The following ZNF19 variants were observed in gnomAD, a reference collection of about 807,000 sequenced individuals.
ZNF19 encodes the protein zinc finger protein 19, also known as zinc finger protein 19 (KOX 12).
In ZNF19, 11 loss-of-function variants were observed where a neutral mutation model predicts 13.1. The observed-to-expected ratio is 0.84, with a 90% CI of 0.53 to 1.39. The LOEUF (loss-of-function observed/expected upper bound fraction) is 1.39, where lower values mean the gene tolerates loss of function less well. Ranked by LOEUF, ZNF19 falls within the 40% of genes most tolerant of loss-of-function variation. The pLI is 0.00. For synonymous variants in ZNF19, 186 were observed against 187.0 expected, an observed-to-expected ratio of 0.99 and a Z score of 0.04; for missense variants, 560 against 547.0, an observed-to-expected ratio of 1.02 and a Z score of -0.24.
At chr16:71,481,948 C>T in intron 3 of ZNF19, 134 bp downstream of exon 3, 2 of 904,254 alleles carry the variant, frequency 2.2e-6, no homozygotes, top group Admixed American at 2.1e-5. Context: ...TCCCCAGCAC[C>T]CAGTCCTACT....
chr16:71,478,352 G>A lies in ZNF19; in HGVS notation c.161-11C>T. 1 of 1,591,322 alleles carries A rather than the reference G, an allele frequency of 6.3e-7. No individual in the cohort carries two copies. ...TGGGAACTGGGTACCCTGAAAACAG[G>A]AAGAAAATGGTACTTTTCAGCCCTG... On this transcript the variant is annotated splice_polypyrimidine_tract_variant and intron_variant, in intron 4 of 5. Transcript: ENST00000288177.
At chr16:71,478,403 A>C in intron 4 of ZNF19, 62 bp from the exon 5 acceptor site, 3 of 1,210,674 alleles carry the variant, frequency 2.5e-6, no homozygotes, top group Non-Finnish European at 3.6e-6. Flanking sequence ...AAGAAGGAAA[A>C]CCCCAGGAGT....
At chr16:71,489,245 C>T (rs1410083429) in intron 1 of ZNF19, 27 bp downstream of exon 1, 10 of 985,502 alleles carry the variant, frequency 1.0e-5, no homozygotes, top group African/African-American at 1.7e-5. Context: ...AAGCTCCGCC[C>T]AACTGTGGGT....
At chr16:71,476,818 T>G (rs1456361159) in intron 5 of ZNF19, among the ~76,000 whole-genome samples, 1 of 152,200 alleles carries the variant, frequency 6.6e-6, no homozygotes, top group Non-Finnish European at 1.5e-5. Flanking sequence ...TTAGAGAGTA[T>G]TATTCCCAAT....
At chr16:71,476,890 G>A (rs2043606018) in intron 5 of ZNF19, among the ~76,000 whole-genome samples, 1 of 152,148 alleles carries the variant, frequency 6.6e-6, no homozygotes, top group Non-Finnish European at 1.5e-5. Flanking sequence ...GACTATAGAC[G>A]ATGAGGAAAC....
chr16:71,475,520 T>C lies in ZNF19; in HGVS notation c.1027A>G (p.Lys343Glu), dbSNP rs1325737604. The change falls in exon 6 of 6, where the codon AAA becomes GAA. Residue 343 changes from lysine to glutamate, a missense_variant. Lys to Glu is a moderately conservative substitution (Grantham distance 56, BLOSUM62 1). Coordinates refer to ENST00000288177, the MANE Select transcript of ZNF19 (RefSeq NM_006961.4). ...TGAATTCTCTGGTGCCGAGTTAGTT[T>C]TGTATGAAAATTGAAGGCTTGTCCA... ...VCGQAFNFHT[K>E]LTRHQRIHSE... 4 of 1,613,406 alleles carry C rather than the reference T, an allele frequency of 2.5e-6. No individual in the cohort carries two copies. The Admixed American group carries it at 6.7e-5, about 27-fold the overall frequency.
intron 4 of ZNF19, 52 bp downstream of exon 4, chr16:71,478,827 G>A: frequency 4.4e-6 from 7 of 1,595,052 alleles, no homozygotes; most frequent in Non-Finnish European, 6.0e-6. Context: ...GTAAAAGAAG[G>A]AAGGAAACTG....
Position 71,475,749 on chromosome 16 carries a change from G to A in ZNF19, c.798C>T (p.Ile266=), listed in dbSNP as rs756500579. 3.1e-6 allele frequency: 5 copies of A among 1,612,982 alleles called. No individual in the cohort carries two copies. The East Asian group carries it at 1.1e-4, about 36-fold the overall frequency. Residue 266 remains isoleucine (I), a synonymous_variant, in exon 6 of 6, where the codon ATC becomes ATT. Coordinates refer to ENST00000288177, the MANE Select transcript of ZNF19 (RefSeq NM_006961.4). The part of the protein sequence containing the change: ...SSSEFVIHQR[I]HTGEKPYECN... ...ACTCATAGGGTTTCTCCCCAGTGTG[G>A]ATTCTCTGATGTATAACAAACTCGG...
At chr16:71,482,026 C>T (rs2043639907) in intron 3 of ZNF19, 56 bp downstream of exon 3, 6 of 1,595,270 alleles carry the variant, frequency 3.8e-6, no homozygotes, top group Non-Finnish European at 1.7e-6. Context: ...CTTTATCCAC[C>T]TCATTTCCTT....
chr16:71,477,176 G>A (rs2043608038), intron 5 of ZNF19, among the ~76,000 whole-genome samples: 1 of 152,184 alleles, frequency 6.6e-6, no homozygotes, highest in Non-Finnish European at 1.5e-5. Context: ...GGTTAATCAA[G>A]TTCATCCTAT....
rs2043590266 is a variant in ZNF19, at chr16:71,474,998, T to C, written c.*172A>G. ...GCGGGGGGAGAGTATTTGTTCCTAT[T>C]AGCTCTTGCAATCCTGGGACTCTAA... is the stretch of plus-strand genomic sequence containing the variant. On this transcript the variant is annotated 3_prime_UTR_variant, in exon 6 of 6. Transcript: ENST00000288177. The C allele has an allele frequency of 1.0e-5, 8 of 791,338 alleles. No individual in the cohort carries two copies. In the South Asian group the frequency reaches 1.2e-4, roughly 11 times the overall value. The allele number at this position is 791,338 out of a possible 1,614,324, so 49.0% of individuals were successfully genotyped here. A position where few individuals can be genotyped will look rare whatever the true frequency, so the allele number is the denominator to read the frequency against.
chr16:71,478,431 C>A (rs1567569876), intron 4 of ZNF19, 90 bp from the exon 5 acceptor site: 1 of 930,258 alleles, frequency 1.1e-6, no homozygotes, highest in Non-Finnish European at 1.7e-6. Context: ...AGAATAAGAC[C>A]CACAGAAGAG....
At position 71,478,156 on chromosome 16, in the gene ZNF19, A is replaced by G. The variant is rs533608146; in HGVS notation, c.274+72T>C. Reference sequence around the variant, plus strand: ...CATCTATTTTATTTAAATCCTGCCCAGCATGATTCATTTTAAAATACAGTG... The same window carrying G: ...CATCTATTTTATTTAAATCCTGCCCGGCATGATTCATTTTAAAATACAGTG... On this transcript the variant is annotated intron_variant, in intron 5 of 5. Transcript: ENST00000288177. The G allele has an allele frequency of 6.1e-6, 6 of 991,722 alleles. No homozygotes were observed. In the East Asian group the frequency reaches 7.4e-5, roughly 12 times the overall value. The allele number at this position is 991,722 out of a possible 1,614,324, so 61.4% of individuals were successfully genotyped here. A position where few individuals can be genotyped will look rare whatever the true frequency, so the allele number is the denominator to read the frequency against.
chr16:71,488,189 ATC>A (rs760389846), intron 1 of ZNF19, among the ~76,000 whole-genome samples: 4 of 151,810 alleles, frequency 2.6e-5, no homozygotes, highest in Non-Finnish European at 5.9e-5. Flanking sequence ...GAGAAATCGC[ATC>A]TCTACTAAAA....
At position 71,476,284 on chromosome 16, in the gene ZNF19, G is replaced by A; in HGVS notation, c.275-12C>T. ...GTTGGTCTCAACATCTGACATAAGA[G>A]ATAGAAAACACAAATAATGCCACCT... On this transcript the variant is annotated splice_polypyrimidine_tract_variant and intron_variant, in intron 5 of 5. Coordinates refer to ENST00000288177, the MANE Select transcript of ZNF19 (RefSeq NM_006961.4). 2 of 1,592,594 alleles carry A rather than the reference G, an allele frequency of 1.3e-6. No individual in the cohort carries two copies. The highest frequency in any genetic ancestry group is 1.8e-5 in the Admixed American group (1 of 56,924).
At chr16:71,487,509 A>G (rs1270167893) in intron 1 of ZNF19, 1 of 152,220 alleles carries the variant, frequency 6.6e-6, no homozygotes, top group Non-Finnish European at 1.5e-5. Context: ...TACAATACTC[A>G]TACTCATGTC....
In ZNF19 at chr16:71,475,971, A is replaced by C. The variant is rs768591637; in HGVS notation, c.576T>G (p.Ser192Arg). The change falls in exon 6 of 6, where the codon AGT (serine) becomes AGG (arginine). Residue 192 changes from serine (S) to arginine (R), a missense_variant. Coordinates refer to ENST00000288177, the MANE Select transcript of ZNF19 (RefSeq NM_006961.4). ...IHTGEKPFEC[S>R]ECGKAFNGNS... Reference sequence around the variant, plus strand: ...TACCATTAAAGGCTTTTCCACACTCACTACACTCAAAAGGTTTCTCCCCAG... The same window carrying C: ...TACCATTAAAGGCTTTTCCACACTCCCTACACTCAAAAGGTTTCTCCCCAG... 1 of 1,613,922 alleles carries C rather than the reference A, an allele frequency of 6.2e-7. No homozygotes were observed. The highest frequency in any genetic ancestry group is 2.2e-5 in the East Asian group (1 of 44,872).
rs751056686 is a variant in ZNF19, at chr16:71,474,370, C to G, written c.*800G>C. The G allele has an allele frequency of 6.6e-6, 1 of 152,198 alleles. No individual in the cohort carries two copies. Among genetic ancestry groups the G allele is most frequent in the Admixed American group, 6.5e-5 (1 of 15,286 alleles). 9.4% of individuals were successfully genotyped at this position (152,198 alleles called of 1,614,324 possible). On this transcript the variant is annotated 3_prime_UTR_variant, in exon 6 of 6. Coordinates refer to ENST00000288177, the MANE Select transcript of ZNF19 (RefSeq NM_006961.4). Reference sequence around the variant, plus strand: ...CATTCCAAATAAAAAACTGAATAAACAGAAAATGAAAGCTTTAAGAGTGAA... The same window carrying G: ...CATTCCAAATAAAAAACTGAATAAAGAGAAAATGAAAGCTTTAAGAGTGAA...
intron 1 of ZNF19, among the ~76,000 whole-genome samples, chr16:71,488,071 G>T (rs561065080): frequency 1.3e-5 from 2 of 152,136 alleles, no homozygotes; most frequent in East Asian, 3.9e-4. Context: ...GAAATAAAAG[G>T]CACATAGGTC....
Sources: gnomAD v4.1 joint callset for allele counts (sites outside exome capture counted in the v4.1 genomes callset) on GRCh38, gnomAD v4.1.1 for gene constraint, MANE v1.5 for transcripts, NCBI Gene and HGNC (gene_info 2026-07-23, HGNC 2026-07-21) for gene names.